Variants in NRF1 observed in about 807,000 individuals in gnomAD.
The protein encoded by NRF1 is alpha palindromic-binding protein.
In NRF1, 5 loss-of-function variants were observed where a neutral mutation model predicts 58.5. The observed-to-expected ratio is 0.09, with a 90% CI of 0.04 to 0.18. NRF1 has a LOEUF of 0.18. Among genes scored for constraint, NRF1 ranks in the 10% least tolerant of loss-of-function variants. NRF1 has a pLI of 1.00. For synonymous variants in NRF1, 224 were observed against 246.7 expected, an observed-to-expected ratio of 0.91 and a Z score of 0.86; for missense variants, 288 against 657.7, an observed-to-expected ratio of 0.44 and a Z score of 6.15.
chr7:129,745,215 G>T (rs956328810), intron 10 of NRF1, among the ~76,000 whole-genome samples: 1 of 151,920 alleles, frequency 6.6e-6, no homozygotes, highest in Non-Finnish European at 1.5e-5. Context: ...CTATCCTCTG[G>T]GACACAGACT....
intron 10 of NRF1, among the ~76,000 whole-genome samples, chr7:129,750,187 C>G (rs971080258): frequency 6.6e-6 from 1 of 152,174 alleles, no homozygotes; most frequent in Non-Finnish European, 1.5e-5. Flanking sequence ...GAAGGGCTTC[C>G]TGTTGCTTAA....
At chr7:129,712,246 C>G (rs560799980) in intron 8 of NRF1, among the ~76,000 whole-genome samples, 1 of 152,260 alleles carries the variant, frequency 6.6e-6, no homozygotes, top group South Asian at 2.1e-4. Flanking sequence ...TTGAGAAAAA[C>G]ATTACCTAGG....
chr7:129,671,348 C>CT (rs1802043686), intron 2 of NRF1, 81 bp from the exon 3 acceptor site: 4 of 800,248 alleles, frequency 5.0e-6, no homozygotes, highest in Non-Finnish European at 8.3e-6. Context: ...GCAGTGCTAC[C>CT]TTTTTTGTAC....
At position 129,722,393 on chromosome 7, in the gene NRF1, G is replaced by GA. The variant is rs113582154; in HGVS notation, c.1224-4832dup. 5.1e-3 allele frequency among the ~76,000 whole-genome samples: 668 copies of GA among 129,848 alleles called. 2 individuals are homozygous for GA. Among genetic ancestry groups the GA allele is most frequent in the Non-Finnish European group, 5.9e-3 (354 of 60,124 alleles). 85.2% of individuals were successfully genotyped at this position (129,848 alleles called of 152,430 possible). A position where few individuals can be genotyped will look rare whatever the true frequency, so the allele number is the denominator to read the frequency against. ...GCCACAAGAGCGAAACTCCGTCTCA[G>GA]AAAAAAAAAAAAAAAATCTTTCTAG... On this transcript the variant is annotated intron_variant, in intron 9 of 10. Transcript: ENST00000393232.
chr7:129,712,232 T>C (rs1273027479), intron 8 of NRF1, among the ~76,000 whole-genome samples: 2 of 152,146 alleles, frequency 1.3e-5, no homozygotes, highest in African/African-American at 4.8e-5. Context: ...AGCTGGATAA[T>C]GCATTGAGAA....
rs1021270868 is a variant in NRF1, at chr7:129,636,689, G to A, written c.-6-20657G>A. 2.0e-5 allele frequency among the ~76,000 whole-genome samples: 3 copies of A among 152,104 alleles called. No homozygotes were observed. The East Asian group carries it at 5.8e-4, about 29-fold the overall frequency. On this transcript the variant is annotated intron_variant, in intron 1 of 10. Transcript: ENST00000393232. ...ATCTTTTCTGTCTCTTTTCAGTTTC[G>A]AAAACTATCCCTCTGCTGCTGCTTT...
intron 2 of NRF1, 94 bp downstream of exon 2, chr7:129,657,668 A>G: frequency 2.6e-6 from 2 of 770,558 alleles, no homozygotes; most frequent in East Asian, 2.7e-5. Flanking sequence ...GGGGTGCAGC[A>G]GCACAATCAT....
intron 1 of NRF1, among the ~76,000 whole-genome samples, chr7:129,617,183 A>T (rs923946150): frequency 1.3e-5 from 2 of 152,234 alleles, no homozygotes; most frequent in African/African-American, 4.8e-5. Context: ...CTGAATCTTC[A>T]TGAAGAATGA....
At chr7:129,744,608 G>T (rs1803928659) in intron 10 of NRF1, among the ~76,000 whole-genome samples, 1 of 152,078 alleles carries the variant, frequency 6.6e-6, no homozygotes, top group South Asian at 2.1e-4. Flanking sequence ...GCTAAGTACA[G>T]TTCAGATAGG....
At chr7:129,714,043 G>A (rs1186638784) in intron 8 of NRF1, among the ~76,000 whole-genome samples, 2 of 152,200 alleles carry the variant, frequency 1.3e-5, no homozygotes, top group African/African-American at 4.8e-5. Flanking sequence ...CTTTGGGGAA[G>A]GGAGTGCAAC....
intron 4 of NRF1, 110 bp from the exon 5 acceptor site, chr7:129,690,296 G>A: frequency 9.9e-7 from 1 of 1,006,212 alleles, no homozygotes; most frequent in Non-Finnish European, 1.5e-6. Flanking sequence ...TTGTTTTTAA[G>A]GCTATGCAAT....
At chr7:129,644,111 C>T (rs117630488) in intron 1 of NRF1, among the ~76,000 whole-genome samples, 1 of 152,174 alleles carries the variant, frequency 6.6e-6, no homozygotes. Flanking sequence ...CTCCCTTAAC[C>T]CTTAGCAAAT....
intron 5 of NRF1, among the ~76,000 whole-genome samples, chr7:129,707,331 T>C (rs1802972928): frequency 6.6e-6 from 1 of 152,204 alleles, no homozygotes; most frequent in Non-Finnish European, 1.5e-5. Flanking sequence ...TATTTAGCCT[T>C]CTCATTTCAT....
At chr7:129,716,976 G>T (rs575094240) in intron 8 of NRF1, among the ~76,000 whole-genome samples, 1 of 152,150 alleles carries the variant, frequency 6.6e-6, no homozygotes, top group South Asian at 2.1e-4. Flanking sequence ...TATATTCAGT[G>T]GCTTTTGTGT....
At chr7:129,735,007 C>T (rs1239510869) in intron 10 of NRF1, 2 of 970,000 alleles carry the variant, frequency 2.1e-6, no homozygotes, top group Non-Finnish European at 2.5e-6. Flanking sequence ...TTCATTTTTG[C>T]CTGGAGCGAG....
intron 1 of NRF1, among the ~76,000 whole-genome samples, chr7:129,631,236 A>T (rs1035291478): frequency 8.2e-5 from 12 of 146,162 alleles, no homozygotes; most frequent in African/African-American, 3.0e-4. Context: ...ATTTGATTTA[A>T]TTTTTTTTTT....
chr7:129,750,184 T>C (rs1025356951), intron 10 of NRF1, among the ~76,000 whole-genome samples: 1 of 152,162 alleles, frequency 6.6e-6, no homozygotes, highest in African/African-American at 2.4e-5. Context: ...CACGAAGGGC[T>C]TCCTGTTGCT....
At chr7:129,679,041 G>A (rs1454695383) in intron 4 of NRF1, among the ~76,000 whole-genome samples, 1 of 151,586 alleles carries the variant, frequency 6.6e-6, no homozygotes, top group African/African-American at 2.4e-5. Context: ...CCAGAGCACC[G>A]AAGAAAAAAA....
At chr7:129,685,319 G>A (rs1306572582) in intron 4 of NRF1, among the ~76,000 whole-genome samples, 2 of 152,126 alleles carry the variant, frequency 1.3e-5, no homozygotes, top group Non-Finnish European at 2.9e-5. Context: ...GGGAGGCTGA[G>A]GTGGGAGGAT....
Sources: gnomAD v4.1 joint callset for allele counts (sites outside exome capture counted in the v4.1 genomes callset) on GRCh38, gnomAD v4.1.1 for gene constraint, MANE v1.5 for transcripts, NCBI Gene and HGNC (gene_info 2026-07-23, HGNC 2026-07-21) for gene names.